Variants in PTPRD observed in about 807,000 individuals in gnomAD.
PTPRD encodes receptor-type tyrosine-protein phosphatase delta.
In PTPRD, 34 loss-of-function variants were observed where a neutral mutation model predicts 214.5. The observed-to-expected ratio is 0.16, with a 90% CI of 0.12 to 0.21. The LOEUF is 0.21. Among genes scored for constraint, PTPRD ranks in the 10% least tolerant of loss-of-function variants. The probability of loss-of-function intolerance (pLI) is 1.00; values close to 1 mark genes in which losing one functional copy is unlikely to be tolerated. For synonymous variants in PTPRD, 1,128 were observed against 845.7 expected (o/e 1.33, Z -5.79); for missense variants, 2,545 against 2,398.7 (o/e 1.06, Z -1.27).
At chr9:9,867,983 G>A (rs1233359616) in intron 5 of PTPRD, among the ~76,000 whole-genome samples, 1 of 152,114 alleles carries the variant, frequency 6.6e-6, no homozygotes, top group Non-Finnish European at 1.5e-5. Context: ...TGAATAGCTA[G>A]ACTAATTCCT....
At chr9:10,104,212 T>C (rs1249877143) in intron 3 of PTPRD, among the ~76,000 whole-genome samples, 2 of 151,638 alleles carry the variant, frequency 1.3e-5, no homozygotes, top group African/African-American at 4.8e-5. Flanking sequence ...ATTTCTGTTT[T>C]ACAAGACAAA....
intron 3 of PTPRD, among the ~76,000 whole-genome samples, chr9:10,051,084 GA>G (rs561993892): frequency 1.3e-5 from 2 of 151,666 alleles, no homozygotes; most frequent in African/African-American, 4.8e-5. Flanking sequence ...ACATAAAAAA[GA>G]AAAAAATGCA....
chr9:8,784,927 A>C (rs1390140703), intron 11 of PTPRD, among the ~76,000 whole-genome samples: 1 of 152,228 alleles, frequency 6.6e-6, no homozygotes, highest in Non-Finnish European at 1.5e-5. Flanking sequence ...AACAACTTCC[A>C]TGATAAGGTC....
chr9:9,307,100 C>T (rs1015602237), intron 9 of PTPRD, among the ~76,000 whole-genome samples: 3 of 152,242 alleles, frequency 2.0e-5, no homozygotes, highest in Admixed American at 2.0e-4. Context: ...TTCAAGTAAG[C>T]TTTGTAATCT....
chr9:8,543,919 C>T (rs1057348070), intron 14 of PTPRD, among the ~76,000 whole-genome samples: 1 of 152,062 alleles, frequency 6.6e-6, no homozygotes, highest in African/African-American at 2.4e-5. Flanking sequence ...ACCATATTGG[C>T]CAGGCTGGTC....
intron 9 of PTPRD, among the ~76,000 whole-genome samples, chr9:9,234,611 C>T (rs1460681831): frequency 6.6e-6 from 1 of 152,200 alleles, no homozygotes; most frequent in Non-Finnish European, 1.5e-5. Context: ...CACTTTGTCA[C>T]TTAGAAATTT....
intron 9 of PTPRD, among the ~76,000 whole-genome samples, chr9:9,224,795 T>C (rs985408498): frequency 5.9e-5 from 9 of 151,990 alleles, no homozygotes; most frequent in Non-Finnish European, 1.2e-4. Flanking sequence ...TTTTCTGGAC[T>C]CTGTAAGATA....
chr9:10,085,390 T>A lies in PTPRD; in HGVS notation c.-544-51600A>T, dbSNP rs191139755. ...AGGTAATAAATTTATTTATAACTGC[T>A]GGAGATATTTTTAAGCAATAGGAAT... On this transcript the variant is annotated intron_variant, in intron 3 of 45. Transcript: ENST00000381196. 9.2e-5 allele frequency among the ~76,000 whole-genome samples: 14 copies of A among 151,958 alleles called. No homozygotes were observed. The East Asian group carries it at 2.5e-3, about 28-fold the overall frequency.
chr9:8,540,876 C>T (rs55781919), intron 14 of PTPRD, among the ~76,000 whole-genome samples: 2 of 152,234 alleles, frequency 1.3e-5, no homozygotes, highest in Non-Finnish European at 2.9e-5. Flanking sequence ...CACTATTTTA[C>T]CACATTCAGT....
chr9:9,929,263 A>C (rs2085484567), intron 5 of PTPRD, among the ~76,000 whole-genome samples: 1 of 152,194 alleles, frequency 6.6e-6, no homozygotes, highest in African/African-American at 2.4e-5. Flanking sequence ...TATATTCACA[A>C]ACTTGCCCCT....
At chr9:9,736,194 A>C (rs375265163) in intron 6 of PTPRD, among the ~76,000 whole-genome samples, 43 of 152,218 alleles carry the variant, frequency 2.8e-4, no homozygotes, top group African/African-American at 9.9e-4. Flanking sequence ...TCAGTAAACT[A>C]TTAATTATCT....
In PTPRD at chr9:9,049,283, T is replaced by C. The variant is rs531558641; in HGVS notation, c.-142-30548A>G. ...GAGAAAAATGTTATCAAGTCATTTC[T>C]GTAAGGCTTAATTTTCTCATGGAAC... On this transcript the variant is annotated intron_variant, in intron 10 of 45. Coordinates refer to ENST00000381196, the MANE Select transcript of PTPRD (RefSeq NM_002839.4). 4.6e-5 allele frequency among the ~76,000 whole-genome samples: 7 copies of C among 152,340 alleles called. No homozygotes were observed. In the East Asian group the frequency reaches 1.4e-3, roughly 29 times the overall value.
intron 17 of PTPRD, chr9:8,525,287 T>C: frequency 1.7e-6 from 1 of 596,356 alleles, no homozygotes; most frequent in Non-Finnish European, 3.0e-6. Context: ...AGACTTCTAG[T>C]CATAATTAAC....
chr9:10,129,550 T>G (rs2098844156), intron 3 of PTPRD, among the ~76,000 whole-genome samples: 1 of 150,472 alleles, frequency 6.6e-6, no homozygotes, highest in African/African-American at 2.4e-5. Flanking sequence ...CTTGGTTCCT[T>G]CTCCATTGTC....
intron 8 of PTPRD, among the ~76,000 whole-genome samples, chr9:9,462,788 C>T (rs1335459996): frequency 1.3e-5 from 2 of 152,064 alleles, no homozygotes; most frequent in African/African-American, 4.8e-5. Context: ...GGCAGATGAT[C>T]AATAGAGATG....
At chr9:10,283,745 C>T (rs892745932) in intron 3 of PTPRD, among the ~76,000 whole-genome samples, 1 of 152,096 alleles carries the variant, frequency 6.6e-6, no homozygotes, top group Non-Finnish European at 1.5e-5. Flanking sequence ...TCTGATTGAC[C>T]TAATATCTTT....
intron 10 of PTPRD, among the ~76,000 whole-genome samples, chr9:9,081,189 A>G (rs931347011): frequency 6.6e-6 from 1 of 151,874 alleles, no homozygotes; most frequent in Non-Finnish European, 1.5e-5. Context: ...ATTCTGGTAC[A>G]TTGTATGTTT....
intron 4 of PTPRD, among the ~76,000 whole-genome samples, chr9:10,032,726 A>T (rs903599503): frequency 6.6e-6 from 1 of 152,166 alleles, no homozygotes; most frequent in Non-Finnish European, 1.5e-5. Flanking sequence ...GTTGATAAAA[A>T]TCAGGAGAAG....
chr9:9,271,997 T>C (rs1943128820), intron 9 of PTPRD, among the ~76,000 whole-genome samples: 1 of 151,334 alleles, frequency 6.6e-6, no homozygotes, highest in Non-Finnish European at 1.5e-5. Context: ...TAGCACTTTA[T>C]GACAGAAGCA....
Sources: gnomAD v4.1 joint callset for allele counts (sites outside exome capture counted in the v4.1 genomes callset) on GRCh38, gnomAD v4.1.1 for gene constraint, MANE v1.5 for transcripts, NCBI Gene and HGNC (gene_info 2026-07-23, HGNC 2026-07-21) for gene names.